GPAM: variants seen among roughly 807,000 people sequenced by gnomAD.
The protein encoded by GPAM is glycerol-3-phosphate acyltransferase, mitochondrial.
GPAM carries 56 observed loss-of-function variants against 105.0 expected under a neutral mutation model. The ratio of observed to expected loss-of-function variants is 0.53; its 90% CI spans 0.43 to 0.67. The LOEUF (loss-of-function observed/expected upper bound fraction) is 0.67, where lower values mean the gene tolerates loss of function less well. Among genes scored for constraint, GPAM ranks in the 30% least tolerant of loss-of-function variants. The pLI is 0.00. For synonymous variants in GPAM, 368 were observed against 354.4 expected (o/e 1.04, Z -0.43); for missense variants, 855 against 989.8 (o/e 0.86, Z 1.83).
chr10:112,199,052 A>G (rs1402010052), intron 1 of GPAM, among the ~76,000 whole-genome samples: 1 of 150,866 alleles, frequency 6.6e-6, no homozygotes, highest in African/African-American at 2.4e-5. Flanking sequence ...CCTCCCGAGT[A>G]GCTGGGACTA....
At chr10:112,198,473 A>T (rs1847751512) in intron 1 of GPAM, among the ~76,000 whole-genome samples, 1 of 152,224 alleles carries the variant, frequency 6.6e-6, no homozygotes, top group African/African-American at 2.4e-5. Context: ...ATGAAACTCC[A>T]GGCTCTTTCC....
At chr10:112,223,420 A>T in the GPAM span, among the ~76,000 whole-genome samples, 1 of 152,244 alleles carries the variant, frequency 6.6e-6, no homozygotes, top group Non-Finnish European at 1.5e-5. Context: ...TGTGGTGTGT[A>T]ACTCTTATCC....
At chr10:112,173,553 T>C in intron 7 of GPAM, 146 bp downstream of exon 7, 2 of 850,244 alleles carry the variant, frequency 2.4e-6, no homozygotes, top group Non-Finnish European at 3.9e-6. Flanking sequence ...TGAATAAGAA[T>C]ATAAGAAGAG....
chr10:112,220,396 T>C, the GPAM span, among the ~76,000 whole-genome samples: 3 of 141,800 alleles, frequency 2.1e-5, no homozygotes, highest in Admixed American at 6.9e-5. Context: ...GTAGGCAAAA[T>C]GGAACCACTG....
At chr10:112,210,474 A>T (rs1847899060) in intron 1 of GPAM, among the ~76,000 whole-genome samples, 1 of 152,180 alleles carries the variant, frequency 6.6e-6, no homozygotes, top group Non-Finnish European at 1.5e-5. Context: ...ATGCCCTGGG[A>T]GGTCTCACTA....
intron 1 of GPAM, among the ~76,000 whole-genome samples, chr10:112,196,906 T>A (rs1009388626): frequency 2.6e-5 from 4 of 152,198 alleles, no homozygotes; most frequent in African/African-American, 9.7e-5. Flanking sequence ...AATCACATCA[T>A]AGTTATTTTT....
At chr10:112,206,818 A>AT (rs1259896421) in intron 1 of GPAM, among the ~76,000 whole-genome samples, 1 of 143,980 alleles carries the variant, frequency 6.9e-6, no homozygotes, top group African/African-American at 2.9e-5. Context: ...TTAAAGTATA[A>AT]TAAAAAAAAA....
chr10:112,197,955 A>G lies in GPAM; in HGVS notation n.211-15064T>C, dbSNP rs184775539. Among the ~76,000 whole-genome samples, 285 of 152,322 alleles carry G rather than the reference A, an allele frequency of 1.9e-3. 3 individuals are homozygous for G. The highest frequency in any genetic ancestry group is 0.016 in the Admixed American group (249 of 15,304). On this transcript the variant is annotated intron_variant and non_coding_transcript_variant, in intron 1 of 3. Coordinates refer to the GPAM transcript ENST00000480130. ...GCTGCCATTTACACATGTCAAAATCATAATTATTGTGAACCATTAATTACA... is the reference window on the plus strand; with the variant it reads ...GCTGCCATTTACACATGTCAAAATCGTAATTATTGTGAACCATTAATTACA...
chr10:112,158,335 C>T lies in GPAM; in HGVS notation c.1961G>A (p.Gly654Asp), dbSNP rs1847055380. The T allele has an allele frequency of 3.1e-6, 5 of 1,593,288 alleles. No individual in the cohort carries two copies. The highest frequency in any genetic ancestry group is 4.3e-6 in the Non-Finnish European group (5 of 1,160,956). ...HETVGKFIQY[G>D]ILTVAEHDDQ... ...TCTTACCTCTGCCACTGTAAGAATGCCATACTGGATAAACTTTCCTACTGT... is the reference window on the plus strand; with the variant it reads ...TCTTACCTCTGCCACTGTAAGAATGTCATACTGGATAAACTTTCCTACTGT... The change falls in exon 18 of 22, where the codon GGC becomes GAC. Residue 654 changes from glycine to aspartate, a missense_variant. By Grantham distance (94) the Gly-to-Asp change is moderately conservative (BLOSUM62 -1). Transcript: ENST00000348367.
intron 1 of GPAM, chr10:112,214,468 G>T (rs1458030077): frequency 6.6e-6 from 1 of 152,144 alleles, no homozygotes; most frequent in African/African-American, 2.4e-5. Flanking sequence ...CTTCATTCCA[G>T]ATGGTTAAAT....
Position 112,157,219 on chromosome 10 carries a change from A to G in GPAM, c.2121+30T>C, listed in dbSNP as rs143981414. The G allele has an allele frequency of 4.8e-3, 7,741 of 1,597,880 alleles. 28 individuals are homozygous for G. Among genetic ancestry groups the G allele is most frequent in the Non-Finnish European group, 5.8e-3 (6,754 of 1,165,206 alleles). On this transcript the variant is annotated intron_variant, in intron 19 of 21. Transcript: ENST00000348367. ...AGCATAAACCTCAACATATCCCTGT[A>G]ATATCCACCAGAATTCTTCACCCAA...
chr10:112,210,990 C>T (rs530883897), intron 1 of GPAM, among the ~76,000 whole-genome samples: 7 of 152,342 alleles, frequency 4.6e-5, no homozygotes, highest in African/African-American at 1.2e-4. Flanking sequence ...AAGAATCCCA[C>T]CCCAGGTGGG....
chr10:112,157,906 T>A (rs1171502669), intron 18 of GPAM, among the ~76,000 whole-genome samples: 4 of 152,210 alleles, frequency 2.6e-5, no homozygotes, highest in Non-Finnish European at 5.9e-5. Flanking sequence ...CTTCTCTACA[T>A]CTGAACATGA....
At chr10:112,210,248 T>C (rs1410334074) in intron 1 of GPAM, among the ~76,000 whole-genome samples, 1 of 152,226 alleles carries the variant, frequency 6.6e-6, no homozygotes, top group African/African-American at 2.4e-5. Flanking sequence ...CAACTTCCTA[T>C]TCAACCTCTC....
intron 20 of GPAM, chr10:112,155,446 C>A: frequency 5.3e-6 from 1 of 189,264 alleles, no homozygotes; most frequent in South Asian, 9.6e-5. Context: ...ATTCTGTTCC[C>A]ACATACATGC....
intron 7 of GPAM, among the ~76,000 whole-genome samples, 180 bp from the exon 8 acceptor site, chr10:112,173,246 T>G (rs1847343968): frequency 1.4e-5 from 1 of 73,434 alleles, no homozygotes; most frequent in African/African-American, 5.5e-5. Flanking sequence ...GAACTAGAGC[T>G]AATTTTATAT....
Position 112,151,909 on chromosome 10 carries a change from A to G in GPAM, c.*1641T>C. On this transcript the variant is annotated 3_prime_UTR_variant, in exon 22 of 22. Coordinates refer to ENST00000348367, the MANE Select transcript of GPAM (RefSeq NM_001244949.2). Reference sequence around the variant, plus strand: ...AACATCAGAGCTACTACAACTGACAATGACTTCATGGTATACATCAATTCC... The same window carrying G: ...AACATCAGAGCTACTACAACTGACAGTGACTTCATGGTATACATCAATTCC... The G allele has an allele frequency of 1.0e-6, 1 of 978,356 alleles. No homozygotes were observed. The highest frequency in any genetic ancestry group is 1.2e-6 in the Non-Finnish European group (1 of 823,488). The allele number at this position is 978,356 out of a possible 1,614,324, so 60.6% of individuals were successfully genotyped here.
At position 112,150,127 on chromosome 10, in the gene GPAM, C is replaced by T; in HGVS notation, c.*3423G>A. The T allele has an allele frequency of 1.0e-6, 1 of 982,924 alleles. No homozygotes were observed. The highest frequency in any genetic ancestry group is 1.2e-6 in the Non-Finnish European group (1 of 827,646). The allele number at this position is 982,924 out of a possible 1,614,324, so 60.9% of individuals were successfully genotyped here. On this transcript the variant is annotated 3_prime_UTR_variant, in exon 22 of 22. Transcript: ENST00000348367. ...GTCAAGAATCTCTTTCAAATGCAAT[C>T]ATTAGTTTGTATTAAACTAAAATGC...
At chr10:112,226,680 T>C in the GPAM span, among the ~76,000 whole-genome samples, 3 of 152,176 alleles carry the variant, frequency 2.0e-5, no homozygotes, top group East Asian at 5.8e-4. Context: ...GTTGTGAGGG[T>C]TGAGAGAAAG....
Sources: allele counts gnomAD v4.1 joint callset (sites outside exome capture counted in the v4.1 genomes callset), GRCh38; gene constraint gnomAD v4.1.1; transcripts MANE v1.5; gene names NCBI Gene and HGNC (gene_info 2026-07-23, HGNC 2026-07-21).